LAPTM5: variants seen among roughly 807,000 people sequenced by gnomAD.
LAPTM5 encodes lysosomal-associated transmembrane protein 5.
LAPTM5 carries 11 observed loss-of-function variants against 30.1 expected under a neutral mutation model. The ratio of observed to expected loss-of-function variants is 0.37; its 90% CI spans 0.23 to 0.60. The LOEUF is 0.60. Among genes scored for constraint, LAPTM5 ranks in the 20% least tolerant of loss-of-function variants. The pLI, the probability that LAPTM5 is intolerant of heterozygous loss-of-function variation, is 0.71. For missense variants in LAPTM5, 324 were observed against 332.5 expected (o/e 0.97, Z 0.20); for synonymous variants, 151 against 137.9 (o/e 1.10, Z -0.67).
intron 1 of LAPTM5, among the ~76,000 whole-genome samples, chr1:30,748,667 A>C (rs531662462): frequency 3.9e-5 from 6 of 152,132 alleles, no homozygotes; most frequent in Non-Finnish European, 7.4e-5. Context: ...ATACCACCAG[A>C]CGCCCCCATT....
chr1:30,743,798 T>TTTTG (rs1360465209), intron 1 of LAPTM5, among the ~76,000 whole-genome samples: 1 of 145,646 alleles, frequency 6.9e-6, no homozygotes, highest in Non-Finnish European at 1.5e-5. Context: ...TGTGTGGGTT[T>TTTTG]TTTTTTTTTT....
intron 1 of LAPTM5, chr1:30,745,975 T>C (rs774359674): frequency 6.6e-6 from 1 of 152,068 alleles, no homozygotes; most frequent in Non-Finnish European, 1.5e-5. Flanking sequence ...TCTCCTGGGG[T>C]CAGGGCTCCC....
At chr1:30,744,894 C>A (rs778166809) in intron 1 of LAPTM5, among the ~76,000 whole-genome samples, 1 of 152,174 alleles carries the variant, frequency 6.6e-6, no homozygotes, top group African/African-American at 2.4e-5. Flanking sequence ...GCATGTGTTG[C>A]TGTCCTAGTT....
chr1:30,739,234 T>C lies in LAPTM5; in HGVS notation c.388-172A>G, dbSNP rs1350274677. ...ACACACAGATGTTCATACCAAGAGC[T>C]GGTGGCAGACCCAAGACTAGAACCA... On this transcript the variant is annotated intron_variant, in intron 4 of 7. Transcript: ENST00000294507. The surrounding 1 kb of genome is among the most constrained non-coding windows in gnomAD (Gnocchi z 4.2). 7 of 846,098 alleles carry C rather than the reference T, an allele frequency of 8.3e-6. No individual in the cohort carries two copies. The highest frequency in any genetic ancestry group is 1.2e-5 in the Non-Finnish European group (7 of 575,228). 52.4% of individuals were successfully genotyped at this position (846,098 alleles called of 1,614,324 possible).
At position 30,741,664 on chromosome 1, in the gene LAPTM5, C is replaced by T. The variant is rs978983629; in HGVS notation, c.234G>A (p.Leu78=). 23 of 1,607,236 alleles carry T rather than the reference C, an allele frequency of 1.4e-5. No homozygotes were observed. The Admixed American group carries it at 1.7e-4, about 12-fold the overall frequency. Residue 78 remains leucine (L), a synonymous_variant, in exon 3 of 8, where the codon CTG becomes CTA. Coordinates refer to ENST00000294507, the MANE Select transcript of LAPTM5 (RefSeq NM_006762.3). ...LLITMLFIIS[L]SLLIGVVKNR... The stretch of plus-strand genomic sequence containing the variant: ...CCTTGACTACGCCGATCAGTAGGCT[C>T]AGGCTGATGATGAAGAGCATGGTGA...
rs1012832716 is a variant in LAPTM5, at chr1:30,746,748, C to G, written c.88-4199G>C. ...CCCAGGCCCCAGCCGAGCTCTGCAC[C>G]CTTGAGCCAGCCACTAACCTCTCTG... On this transcript the variant is annotated intron_variant, in intron 1 of 7. Coordinates refer to ENST00000294507, the MANE Select transcript of LAPTM5 (RefSeq NM_006762.3). The surrounding 1 kb of genome is among the most constrained non-coding windows in gnomAD (Gnocchi z 4.0). 6.6e-6 allele frequency among the ~76,000 whole-genome samples: 1 copy of G among 152,202 alleles called. No homozygotes were observed. The highest frequency in any genetic ancestry group is 2.4e-5 in the African/African-American group (1 of 41,446).
chr1:30,735,279 C>A lies in LAPTM5; in HGVS notation c.607-14G>T, dbSNP rs1232333736. 3 of 1,611,912 alleles carry A rather than the reference C, an allele frequency of 1.9e-6. No homozygotes were observed. The African/African-American group carries it at 4.0e-5, about 22-fold the overall frequency. ...GAACATGTAGACCTGGAAAAAGGCC[C>A]AGGTCAGGCTGTGCTTTGCTGAGCG... On this transcript the variant is annotated splice_polypyrimidine_tract_variant and intron_variant, in intron 6 of 7. Coordinates refer to ENST00000294507, the MANE Select transcript of LAPTM5 (RefSeq NM_006762.3).
intron 1 of LAPTM5, among the ~76,000 whole-genome samples, chr1:30,749,109 C>G (rs772949461): frequency 6.6e-6 from 1 of 152,164 alleles, no homozygotes; most frequent in Non-Finnish European, 1.5e-5. Flanking sequence ...TGTTATTTTG[C>G]AGGAAAACAG....
chr1:30,751,574 C>T (rs372136396), intron 1 of LAPTM5, among the ~76,000 whole-genome samples: 2 of 152,160 alleles, frequency 1.3e-5, no homozygotes, highest in East Asian at 1.9e-4. Flanking sequence ...CCCCATCTCT[C>T]CTAACGATAC....
In LAPTM5 at chr1:30,746,163, C is replaced by G. The variant is rs1326798305; in HGVS notation, c.88-3614G>C. 1 of 152,310 alleles carries G rather than the reference C, an allele frequency of 6.6e-6. No individual in the cohort carries two copies. The highest frequency in any genetic ancestry group is 1.5e-5 in the Non-Finnish European group (1 of 68,090). 9.4% of individuals were successfully genotyped at this position (152,310 alleles called of 1,614,324 possible). A position where few individuals can be genotyped will look rare whatever the true frequency, so the allele number is the denominator to read the frequency against. On this transcript the variant is annotated intron_variant, in intron 1 of 7. Transcript: ENST00000294507. The surrounding 1 kb of genome is among the most constrained non-coding windows in gnomAD (Gnocchi z 4.0). Reference sequence around the variant, plus strand: ...GGCCCTGGCCAGGTTCTGGCTTCTCCCTGGCCTCAGCTTTCGATTCTGGTC... The same window carrying G: ...GGCCCTGGCCAGGTTCTGGCTTCTCGCTGGCCTCAGCTTTCGATTCTGGTC...
intron 1 of LAPTM5, among the ~76,000 whole-genome samples, chr1:30,750,642 C>T (rs1640122293): frequency 6.6e-6 from 1 of 152,194 alleles, no homozygotes; most frequent in Admixed American, 6.5e-5. Flanking sequence ...AGAGCTGACC[C>T]CCTCCCCCAT....
At chr1:30,742,383 G>T in intron 2 of LAPTM5, 73 bp downstream of exon 2, 2 of 1,059,310 alleles carry the variant, frequency 1.9e-6, no homozygotes, top group Non-Finnish European at 1.4e-6. Flanking sequence ...TCCAACACTA[G>T]CCTGGCTATC....
intron 3 of LAPTM5, among the ~76,000 whole-genome samples, chr1:30,740,823 T>C (rs1639960441): frequency 6.6e-6 from 1 of 151,766 alleles, no homozygotes; most frequent in Non-Finnish European, 1.5e-5. Context: ...GCAAGGGGAG[T>C]GGGTGCTGGC....
chr1:30,739,712 C>G lies in LAPTM5; in HGVS notation c.387+97G>C. On this transcript the variant is annotated intron_variant, in intron 4 of 7. Transcript: ENST00000294507. The surrounding 1 kb of genome is among the most constrained non-coding windows in gnomAD (Gnocchi z 4.2). ...AGCCAGGAAGAGGGCTCCTACCCTCCCCAGCCTGAGCACAGGGCCCGTGTC... is the reference window on the plus strand; with the variant it reads ...AGCCAGGAAGAGGGCTCCTACCCTCGCCAGCCTGAGCACAGGGCCCGTGTC... 1.4e-6 allele frequency: 2 copies of G among 1,402,796 alleles called. No individual in the cohort carries two copies. The allele number at this position is 1,402,796 out of a possible 1,614,324, so 86.9% of individuals were successfully genotyped here.
At chr1:30,736,398 T>C (rs1569853225) in intron 6 of LAPTM5, among the ~76,000 whole-genome samples, 1 of 151,706 alleles carries the variant, frequency 6.6e-6, no homozygotes, top group African/African-American at 2.4e-5. Flanking sequence ...GATGGTGGAG[T>C]GCTTGTCTTC....
intron 1 of LAPTM5, among the ~76,000 whole-genome samples, chr1:30,747,801 G>T (rs1434329239): frequency 1.3e-5 from 2 of 152,184 alleles, no homozygotes; most frequent in African/African-American, 4.8e-5. Flanking sequence ...CAGTGCACCA[G>T]GTGTCACCTG....
chr1:30,735,322 C>T, intron 6 of LAPTM5, 57 bp from the exon 7 acceptor site: 1 of 1,443,222 alleles, frequency 6.9e-7, no homozygotes. Context: ...CACGCTCCAG[C>T]AGGCCTAGGA....
intron 1 of LAPTM5, among the ~76,000 whole-genome samples, chr1:30,744,755 GA>G (rs1640019787): frequency 1.3e-5 from 2 of 152,102 alleles, no homozygotes; most frequent in South Asian, 4.2e-4. Context: ...CCATTCCCCT[GA>G]CCCCCAAAAT....
At chr1:30,736,495 A>T (rs546953329) in intron 6 of LAPTM5, among the ~76,000 whole-genome samples, 50 of 152,184 alleles carry the variant, frequency 3.3e-4, no homozygotes, top group Admixed American at 1.5e-3. Flanking sequence ...GTGCAGTGGC[A>T]TGATTATGGC....
Sources: allele counts gnomAD v4.1 joint callset (sites outside exome capture counted in the v4.1 genomes callset), GRCh38; gene constraint gnomAD v4.1.1; non-coding constraint Gnocchi (gnomAD v3.1); transcripts MANE v1.5; gene names NCBI Gene and HGNC (gene_info 2026-07-23, HGNC 2026-07-21).